Variants in MAP2 observed in about 807,000 individuals in gnomAD.
MAP2 encodes microtubule-associated protein 2.
Under a neutral mutation model 137.6 loss-of-function variants are expected in MAP2, and 14 were observed. That is an observed-to-expected ratio of 0.10 (90% CI 0.07 to 0.16). The LOEUF is 0.16. MAP2 is among the 10% of genes least tolerant of loss of function. MAP2 has a pLI of 1.00. For missense variants in MAP2, 2,088 were observed against 2,191.5 expected, an observed-to-expected ratio of 0.95 and a Z score of 0.94; for synonymous variants, 786 against 782.3, an observed-to-expected ratio of 1.00 and a Z score of -0.08.
intron 5 of MAP2, among the ~76,000 whole-genome samples, chr2:209,656,292 G>A (rs923106707): frequency 1.3e-5 from 2 of 152,066 alleles, no homozygotes; most frequent in African/African-American, 4.8e-5. Flanking sequence ...GAGGTGAGTA[G>A]ATTGCTTGAG....
intron 1 of MAP2, among the ~76,000 whole-genome samples, chr2:209,464,380 TTAAAG>T (rs1341350840): frequency 2.6e-5 from 4 of 152,176 alleles, no homozygotes; most frequent in African/African-American, 7.2e-5. Context: ...ATGTGATTAT[TTAAAG>T]TAATGTCAAT....
At chr2:209,492,095 A>G (rs903289727) in intron 1 of MAP2, among the ~76,000 whole-genome samples, 1 of 152,184 alleles carries the variant, frequency 6.6e-6, no homozygotes, top group South Asian at 2.1e-4. Context: ...CTTATCGACT[A>G]TGATCAAGTT....
intron 1 of MAP2, among the ~76,000 whole-genome samples, chr2:209,481,120 G>T (rs1000656983): frequency 1.3e-5 from 2 of 152,320 alleles, no homozygotes; most frequent in Admixed American, 6.5e-5. Flanking sequence ...CTGAATTTCC[G>T]TGAGACTGAC....
intron 4 of MAP2, among the ~76,000 whole-genome samples, chr2:209,648,798 A>G (rs1245377544): frequency 7.0e-6 from 1 of 143,234 alleles, no homozygotes; most frequent in African/African-American, 2.9e-5. Context: ...CAAAAAAAAA[A>G]AAAAAGAAAG....
At chr2:209,584,353 C>G (rs2077200844) in intron 3 of MAP2, among the ~76,000 whole-genome samples, 1 of 152,056 alleles carries the variant, frequency 6.6e-6, no homozygotes, top group South Asian at 2.1e-4. Flanking sequence ...AGTGAACATG[C>G]TGGGAAAGCA....
intron 1 of MAP2, among the ~76,000 whole-genome samples, chr2:209,442,547 A>T (rs1023758975): frequency 4.0e-5 from 6 of 151,654 alleles, no homozygotes; most frequent in Non-Finnish European, 8.9e-5. Context: ...CCAGTATTTT[A>T]TTAAGGTCCC....
intron 4 of MAP2, among the ~76,000 whole-genome samples, chr2:209,646,896 CTTA>C (rs747000678): frequency 5.3e-5 from 8 of 152,056 alleles, no homozygotes; most frequent in Non-Finnish European, 1.0e-4. Context: ...CATTTGGTTA[CTTA>C]TTATTCCATT....
intron 5 of MAP2, among the ~76,000 whole-genome samples, chr2:209,664,107 CTTG>C (rs984257376): frequency 2.6e-5 from 4 of 152,160 alleles, no homozygotes; most frequent in African/African-American, 7.2e-5. Flanking sequence ...ACTGAGGTTA[CTTG>C]TTATTTGTTT....
At chr2:209,433,179 A>T (rs2149304357) in intron 1 of MAP2, among the ~76,000 whole-genome samples, 1 of 152,274 alleles carries the variant, frequency 6.6e-6, no homozygotes, top group Non-Finnish European at 1.5e-5. Context: ...GGAGACAGAC[A>T]TTAACAAGTG....
chr2:209,720,498 A>C (rs1192138540), intron 13 of MAP2, among the ~76,000 whole-genome samples: 1 of 151,940 alleles, frequency 6.6e-6, no homozygotes, highest in Admixed American at 6.6e-5. Flanking sequence ...AATTAGCCGG[A>C]CATGGTGGCG....
chr2:209,559,974 A>C (rs2071622613), intron 2 of MAP2, among the ~76,000 whole-genome samples: 1 of 152,226 alleles, frequency 6.6e-6, no homozygotes, highest in South Asian at 2.1e-4. Flanking sequence ...GACTATGATT[A>C]GTGCTATGAA....
rs934250196 is a variant in MAP2, at chr2:209,702,665, T to G, written c.4584+2327T>G. ...GTTTAGCATTAATAGTTGTCTTTCT[T>G]AACTACAAGCAATCCAATTTATTTT... is the stretch of plus-strand genomic sequence containing the variant. On this transcript the variant is annotated intron_variant, in intron 11 of 15. Transcript: ENST00000682079. Among the ~76,000 whole-genome samples the G allele has an allele frequency of 2.5e-4, 38 of 152,166 alleles. 1 individual carries two copies. The highest frequency in any genetic ancestry group is 8.7e-4 in the African/African-American group (36 of 41,540).
intron 3 of MAP2, among the ~76,000 whole-genome samples, chr2:209,594,795 C>T (rs1196674007): frequency 1.3e-5 from 2 of 152,086 alleles, no homozygotes; most frequent in East Asian, 1.9e-4. Context: ...TTCCTTTCCT[C>T]GGCCTTTATT....
At chr2:209,504,008 A>G (rs1463199688) in intron 1 of MAP2, among the ~76,000 whole-genome samples, 1 of 152,066 alleles carries the variant, frequency 6.6e-6, no homozygotes, top group Non-Finnish European at 1.5e-5. Flanking sequence ...AGGCAGGAGA[A>G]TCACTTGAAC....
chr2:209,618,482 C>T lies in MAP2; in HGVS notation c.-106-6571C>T, dbSNP rs149308045. ...TGGTATCCCGGCAAGATAAGTCTTA[C>T]GACAACATGTGAACCTGCTCAATTT... is the stretch of plus-strand genomic sequence containing the variant. On this transcript the variant is annotated intron_variant, in intron 3 of 15. Coordinates refer to ENST00000682079, the MANE Select transcript of MAP2 (RefSeq NM_001375505.1). 2.9e-4 allele frequency among the ~76,000 whole-genome samples: 44 copies of T among 152,246 alleles called. No individual in the cohort carries two copies. The East Asian group carries it at 4.1e-3, about 14-fold the overall frequency.
At chr2:209,647,945 C>T (rs1290379107) in intron 4 of MAP2, among the ~76,000 whole-genome samples, 1 of 151,964 alleles carries the variant, frequency 6.6e-6, no homozygotes, top group African/African-American at 2.4e-5. Context: ...AGATTCATAA[C>T]TAACATTTCT....
At chr2:209,540,840 T>G (rs2066897233) in intron 2 of MAP2, among the ~76,000 whole-genome samples, 1 of 150,364 alleles carries the variant, frequency 6.7e-6, no homozygotes, top group South Asian at 2.1e-4. Flanking sequence ...CTGTATGCAT[T>G]ATACAGACGT....
intron 1 of MAP2, among the ~76,000 whole-genome samples, chr2:209,429,684 A>G (rs1693709538): frequency 6.6e-6 from 1 of 152,156 alleles, no homozygotes; most frequent in Admixed American, 6.5e-5. Flanking sequence ...GTTAAAGCAA[A>G]CTCACAAGTA....
chr2:209,669,776 T>TACAC (rs150279331), intron 5 of MAP2, among the ~76,000 whole-genome samples: 6 of 150,808 alleles, frequency 4.0e-5, no homozygotes, highest in East Asian at 1.9e-4. Context: ...AACATGTGCA[T>TACAC]ACACACACAC....
Sources: allele counts gnomAD v4.1 joint callset (sites outside exome capture counted in the v4.1 genomes callset), GRCh38; gene constraint gnomAD v4.1.1; transcripts MANE v1.5; gene names NCBI Gene and HGNC (gene_info 2026-07-23, HGNC 2026-07-21).